Variants in RBM20 observed in about 807,000 individuals in gnomAD.
The protein encoded by RBM20 is RNA-binding protein 20.
RBM20 carries 51 observed loss-of-function variants against 110.1 expected under a neutral mutation model. That is an observed-to-expected ratio of 0.46 (90% confidence interval 0.37 to 0.59). The LOEUF is 0.59. Among genes scored for constraint, RBM20 ranks in the 20% least tolerant of loss-of-function variants. RBM20 has a pLI of 0.00. For missense variants in RBM20, 1,512 were observed against 1,574.9 expected, an observed-to-expected ratio of 0.96 and a Z score of 0.68; for synonymous variants, 589 against 618.2, an observed-to-expected ratio of 0.95 and a Z score of 0.70.
chr10:110,820,723 G>A (rs1038319081), intron 10 of RBM20, among the ~76,000 whole-genome samples: 1 of 152,230 alleles, frequency 6.6e-6, no homozygotes, highest in African/African-American at 2.4e-5. Flanking sequence ...GGAGAGGCAG[G>A]AGAAATGAGT....
intron 1 of RBM20, among the ~76,000 whole-genome samples, chr10:110,741,952 AC>A (rs984725990): frequency 1.3e-5 from 2 of 152,210 alleles, no homozygotes; most frequent in African/African-American, 4.8e-5. Flanking sequence ...CTAGGGCAGA[AC>A]CCAAAAGCTG....
At chr10:110,701,371 C>T (rs375081272) in intron 1 of RBM20, among the ~76,000 whole-genome samples, 6 of 152,092 alleles carry the variant, frequency 3.9e-5, no homozygotes, top group South Asian at 2.1e-4. Flanking sequence ...CCATAAAGTC[C>T]GGTCCTACTC....
chr10:110,798,646 C>T (rs1246238459), intron 6 of RBM20, among the ~76,000 whole-genome samples: 1 of 152,170 alleles, frequency 6.6e-6, no homozygotes, highest in Non-Finnish European at 1.5e-5. Flanking sequence ...CTTAGTCGCC[C>T]ACGCTAATGC....
At chr10:110,720,100 T>C (rs1590635173) in intron 1 of RBM20, among the ~76,000 whole-genome samples, 1 of 152,204 alleles carries the variant, frequency 6.6e-6, no homozygotes, top group Non-Finnish European at 1.5e-5. Context: ...GGCTCTGTCC[T>C]AGTGACCTAA....
intron 1 of RBM20, among the ~76,000 whole-genome samples, chr10:110,754,877 A>C (rs547188212): frequency 6.6e-6 from 1 of 152,180 alleles, no homozygotes; most frequent in African/African-American, 2.4e-5. Flanking sequence ...TCTATGCCTG[A>C]TGATCTATTT....
At chr10:110,660,219 A>T (rs1314426848) in intron 1 of RBM20, among the ~76,000 whole-genome samples, 1 of 152,212 alleles carries the variant, frequency 6.6e-6, no homozygotes, top group Non-Finnish European at 1.5e-5. Context: ...TAACTATAGC[A>T]GTAATAATGA....
chr10:110,793,780 A>G (rs938515293), intron 5 of RBM20, among the ~76,000 whole-genome samples: 2 of 152,256 alleles, frequency 1.3e-5, no homozygotes, highest in African/African-American at 4.8e-5. Context: ...AGTTCCTTAC[A>G]TAAGAACTCA....
Position 110,823,623 on chromosome 10 carries a change from AAC to A in RBM20, c.3451+15_3451+16del, listed in dbSNP as rs397516615. On this transcript the variant is annotated intron_variant, in intron 12 of 13. Coordinates refer to ENST00000369519, the MANE Select transcript of RBM20 (RefSeq NM_001134363.3). ...ACTTAGCATTCCTCTAGGTAAGCAA[AAC>A]ACACAGTCTTTCCTGAAATTCAGGT... 6.4e-6 allele frequency: 10 copies of A among 1,551,190 alleles called. No homozygotes were observed. Among genetic ancestry groups the A allele is most frequent in the Admixed American group, 5.9e-5 (3 of 50,894 alleles).
intron 1 of RBM20, among the ~76,000 whole-genome samples, chr10:110,691,162 T>C (rs1055523637): frequency 2.0e-5 from 3 of 152,210 alleles, no homozygotes; most frequent in African/African-American, 7.2e-5. Context: ...GAGAATACAG[T>C]CCCAAGTTAG....
intron 1 of RBM20, among the ~76,000 whole-genome samples, chr10:110,681,887 T>TC (rs1332483995): frequency 6.6e-6 from 1 of 151,214 alleles, no homozygotes; most frequent in East Asian, 1.9e-4. Context: ...TTTTCTGCTT[T>TC]TTTTTTTGTT....
chr10:110,839,153 A>G lies in RBM20; in HGVS notation c.*3175A>G, dbSNP rs1204738731. 1 of 152,220 alleles carries G rather than the reference A, an allele frequency of 6.6e-6. No individual in the cohort carries two copies. The highest frequency in any genetic ancestry group is 1.5e-5 in the Non-Finnish European group (1 of 68,054). The allele number at this position is 152,220 out of a possible 1,614,324, so 9.4% of individuals were successfully genotyped here. A position where few individuals can be genotyped will look rare whatever the true frequency, so the allele number is the denominator to read the frequency against. Reference sequence around the variant, plus strand: ...AACACCCAAAATAGCATCTATCTAGACAGTATCCCCAAAGAATTTGGAAAA... The same window carrying G: ...AACACCCAAAATAGCATCTATCTAGGCAGTATCCCCAAAGAATTTGGAAAA... On this transcript the variant is annotated 3_prime_UTR_variant, in exon 14 of 14. Coordinates refer to ENST00000369519, the MANE Select transcript of RBM20 (RefSeq NM_001134363.3).
rs1288899404 is a variant in RBM20 at position 110,767,621 on chromosome 10, C to T, written c.192-13180C>T. On this transcript the variant is annotated intron_variant, in intron 1 of 13. Coordinates refer to ENST00000369519, the MANE Select transcript of RBM20 (RefSeq NM_001134363.3). Reference sequence around the variant, plus strand: ...CTCCTCGCTTCTCAGACGGGGCGGACGGGCAGAGACGCTCCTCACCTCCCA... The same window carrying T: ...CTCCTCGCTTCTCAGACGGGGCGGATGGGCAGAGACGCTCCTCACCTCCCA... Among the ~76,000 whole-genome samples, 83 of 150,946 alleles carry T rather than the reference C, an allele frequency of 5.5e-4. 1 individual carries two copies. Among genetic ancestry groups the T allele is most frequent in the Non-Finnish European group, 1.1e-3 (76 of 67,736 alleles).
At chr10:110,769,203 A>G (rs1482794328) in intron 1 of RBM20, among the ~76,000 whole-genome samples, 2 of 152,196 alleles carry the variant, frequency 1.3e-5, no homozygotes, top group African/African-American at 4.8e-5. Flanking sequence ...AGTAATTCCT[A>G]AGTGCCACCA....
intron 1 of RBM20, among the ~76,000 whole-genome samples, chr10:110,709,158 G>A (rs1248583478): frequency 6.6e-6 from 1 of 152,290 alleles, no homozygotes; most frequent in South Asian, 2.1e-4. Context: ...GCAGGGTCAG[G>A]TTCAATGTGA....
At chr10:110,807,977 A>G (rs1844716646) in intron 7 of RBM20, among the ~76,000 whole-genome samples, 1 of 152,170 alleles carries the variant, frequency 6.6e-6, no homozygotes, top group Admixed American at 6.5e-5. Flanking sequence ...CTTGGTCCTG[A>G]TGGTTCCCAC....
rs549402930 is a variant in RBM20 at position 110,666,880 on chromosome 10, C to T, written c.191+22235C>T. ...CAAGGCAAATCAAGAACAAAAACTG[C>T]CACCAAAACATCAGAGTCGGTCTTC... On this transcript the variant is annotated intron_variant, in intron 1 of 13. Transcript: ENST00000369519. 3.9e-5 allele frequency among the ~76,000 whole-genome samples: 6 copies of T among 152,246 alleles called. No individual in the cohort carries two copies. The East Asian group carries it at 1.2e-3, about 29-fold the overall frequency.
At chr10:110,651,559 T>C (rs921196993) in intron 1 of RBM20, among the ~76,000 whole-genome samples, 8 of 152,312 alleles carry the variant, frequency 5.3e-5, no homozygotes, top group South Asian at 2.1e-4. Flanking sequence ...TGTGTCTGAA[T>C]TGGATTGTGT....
At chr10:110,811,330 G>C (rs1844765136) in intron 8 of RBM20, among the ~76,000 whole-genome samples, 1 of 152,206 alleles carries the variant, frequency 6.6e-6, no homozygotes, top group Non-Finnish European at 1.5e-5. Context: ...CATCCTTTTA[G>C]AATATCGGAT....
chr10:110,682,712 T>A (rs948324796), intron 1 of RBM20, among the ~76,000 whole-genome samples: 2 of 152,320 alleles, frequency 1.3e-5, no homozygotes, highest in Non-Finnish European at 1.5e-5. Context: ...TTGCTTAAGG[T>A]GGTGTTAACT....
Sources: gnomAD v4.1 joint callset for allele counts (sites outside exome capture counted in the v4.1 genomes callset) on GRCh38, gnomAD v4.1.1 for gene constraint, MANE v1.5 for transcripts, NCBI Gene and HGNC (gene_info 2026-07-23, HGNC 2026-07-21) for gene names.